The following BBOF1 variants were observed in gnomAD, a reference collection of about 807,000 sequenced individuals.
BBOF1 encodes the protein basal body-orientation factor 1.
Under a neutral mutation model 68.0 loss-of-function variants are expected in BBOF1, and 62 were observed. That is an observed-to-expected ratio of 0.91 (90% CI 0.74 to 1.13). The LOEUF (loss-of-function observed/expected upper bound fraction) is 1.13. BBOF1 is among the 50% of genes most tolerant of loss of function. The pLI is 0.00. For missense variants in BBOF1, 534 were observed against 600.1 expected (o/e 0.89, Z 1.15); for synonymous variants, 208 against 198.8 (o/e 1.05, Z -0.39).
chr14:74,078,995 G>C (rs1017621020), intron 10 of BBOF1, among the ~76,000 whole-genome samples: 1 of 151,768 alleles, frequency 6.6e-6, no homozygotes, highest in Admixed American at 6.5e-5. Context: ...CCCAAGGCTT[G>C]GTCCTAGGCC....
At position 74,019,408 on chromosome 14, in the gene BBOF1, C is replaced by G. The variant is rs1456007817; in HGVS notation, c.-71C>G. On this transcript the variant is annotated 5_prime_UTR_variant, in exon 1 of 12. Coordinates refer to ENST00000394009, the MANE Select transcript of BBOF1 (RefSeq NM_025057.3). ...ATTGCCAGCTCGGCGTCCCGGTTCC[C>G]TTGGAGACAGAGCTGGCCAGGGCGG... 6.5e-7 allele frequency: 1 copy of G among 1,547,712 alleles called. No individual in the cohort carries two copies. The highest frequency in any genetic ancestry group is 8.7e-7 in the Non-Finnish European group (1 of 1,145,944).
At chr14:74,048,459 C>T (rs1387067194) in intron 7 of BBOF1, 3 of 154,284 alleles carry the variant, frequency 1.9e-5, no homozygotes, top group African/African-American at 7.2e-5. Context: ...TGGAGGTAAG[C>T]AATCCACAGC....
Position 74,022,951 on chromosome 14 carries a change from G to A in BBOF1, c.92G>A (p.Arg31Lys), listed in dbSNP as rs1385915293. 11 of 1,613,178 alleles carry A rather than the reference G, an allele frequency of 6.8e-6. No homozygotes were observed. The highest frequency in any genetic ancestry group is 9.3e-6 in the Non-Finnish European group (11 of 1,179,570). Reference sequence around the variant, plus strand: ...AAAACAGATGAATCTGTGGTGGACAGAGCCAAGGCCAATGCCTCCCTTTGG... The same window carrying A: ...AAAACAGATGAATCTGTGGTGGACAAAGCCAAGGCCAATGCCTCCCTTTGG... ...LIKTDESVVD[R>K]AKANASLWEA... Residue 31 changes from arginine to lysine, a missense_variant, in exon 2 of 12, where the codon AGA (arginine) becomes AAA (lysine). Arg to Lys is a conservative substitution (Grantham distance 26). Coordinates refer to ENST00000394009, the MANE Select transcript of BBOF1 (RefSeq NM_025057.3).
At chr14:74,057,925 A>G (rs971300533) in intron 11 of BBOF1, 14 of 991,702 alleles carry the variant, frequency 1.4e-5, no homozygotes, top group Non-Finnish European at 1.7e-5. Context: ...TTTCCCTTAA[A>G]TATAAGGAAA....
rs374828129 is a variant in BBOF1 at position 74,055,212 on chromosome 14, G to A, written c.1287-372G>A. On this transcript the variant is annotated intron_variant, in intron 8 of 11. Coordinates refer to ENST00000394009, the MANE Select transcript of BBOF1 (RefSeq NM_025057.3). ...CTCCCAGGCTGGAGCACAGTGGCGC[G>A]ATCTCAGCTTACTGCAGCCTCCGCC... 60 of 191,224 alleles carry A rather than the reference G, an allele frequency of 3.1e-4. No individual in the cohort carries two copies. In the South Asian group the frequency reaches 4.4e-3, roughly 14 times the overall value. 11.8% of individuals were successfully genotyped at this position (191,224 alleles called of 1,614,324 possible). A position where few individuals can be genotyped will look rare whatever the true frequency, so the allele number is the denominator to read the frequency against.
chr14:74,045,800 C>T (rs2059935781), intron 5 of BBOF1, among the ~76,000 whole-genome samples: 1 of 152,120 alleles, frequency 6.6e-6, no homozygotes, highest in Non-Finnish European at 1.5e-5. Flanking sequence ...AATTCCTCCT[C>T]ATTCTGCTTT....
At position 74,058,755 on chromosome 14, in the gene BBOF1, T is replaced by G. The variant is rs566580516; in HGVS notation, c.1578+1497T>G. On this transcript the variant is annotated intron_variant, in intron 11 of 11. Transcript: ENST00000394009. ...ATTCTGTTCAGCACATGAATTTCTG[T>G]TCTGACCTTAAGTTTAGATATATCA... is the stretch of plus-strand genomic sequence containing the variant. 38 of 152,566 alleles carry G rather than the reference T, an allele frequency of 2.5e-4. No individual in the cohort carries two copies. The highest frequency in any genetic ancestry group is 8.4e-4 in the African/African-American group (35 of 41,560). 9.5% of individuals were successfully genotyped at this position (152,566 alleles called of 1,614,324 possible). A position where few individuals can be genotyped will look rare whatever the true frequency, so the allele number is the denominator to read the frequency against.
At chr14:74,045,766 T>C (rs1296952420) in intron 5 of BBOF1, among the ~76,000 whole-genome samples, 1 of 152,174 alleles carries the variant, frequency 6.6e-6, no homozygotes, top group Non-Finnish European at 1.5e-5. Flanking sequence ...AATGAATGAC[T>C]CTCATTTCAG....
chr14:74,057,813 TC>T (rs2060251695), intron 11 of BBOF1: 1 of 1,033,434 alleles, frequency 9.7e-7, no homozygotes, highest in Non-Finnish European at 1.2e-6. Flanking sequence ...TGAGTTTTTT[TC>T]ATCTAAGAAA....
intron 9 of BBOF1, among the ~76,000 whole-genome samples, chr14:74,056,350 C>T (rs558979711): frequency 6.6e-6 from 1 of 152,038 alleles, no homozygotes; most frequent in Non-Finnish European, 1.5e-5. Flanking sequence ...CAGGGGCCAC[C>T]ACCATGCCTG....
intron 11 of BBOF1, chr14:74,059,084 CAAAAAAAAAAA>C (rs35760969): frequency 4.1e-5 from 2 of 49,378 alleles, no homozygotes; most frequent in African/African-American, 1.8e-4. Flanking sequence ...AACTCCATCT[CAAAAAAAAAAA>C]AAAAAAAAAA....
intron 11 of BBOF1, among the ~76,000 whole-genome samples, chr14:74,061,937 C>T (rs1365581586): frequency 1.3e-5 from 2 of 149,908 alleles, no homozygotes; most frequent in Non-Finnish European, 3.0e-5. Flanking sequence ...CAGCCAGGAG[C>T]GGTGGCTCAC....
chr14:74,043,733 A>G (rs988227507), intron 5 of BBOF1, among the ~76,000 whole-genome samples: 8 of 149,278 alleles, frequency 5.4e-5, no homozygotes, highest in Non-Finnish European at 3.0e-5. Context: ...GGGTTTCACC[A>G]TGTTGACCAG....
At chr14:74,038,424 T>C (rs1312432192) in intron 4 of BBOF1, among the ~76,000 whole-genome samples, 1 of 152,194 alleles carries the variant, frequency 6.6e-6, no homozygotes, top group African/African-American at 2.4e-5. Flanking sequence ...TAAAGAACAG[T>C]GTTGCCACCT....
Position 74,049,826 on chromosome 14 carries a change from T to A in BBOF1, c.917T>A (p.Phe306Tyr), listed in dbSNP as rs146013405. Residue 306 changes from phenylalanine (F) to tyrosine (Y), a missense_variant, in exon 8 of 12, where the codon TTT becomes TAT. Transcript: ENST00000394009. ...ETALSYMTKE[F>Y]ESEVLKLQQH... is the part of the protein sequence containing the mutation. The stretch of plus-strand genomic sequence containing the variant: ...GCTCTGAGTTACATGACCAAAGAGT[T>A]TGAGAGTGAAGTTTTAAAACTGCAG... 2 of 1,614,092 alleles carry A rather than the reference T, an allele frequency of 1.2e-6. No individual in the cohort carries two copies. Among genetic ancestry groups the A allele is most frequent in the Non-Finnish European group, 1.7e-6 (2 of 1,180,030 alleles).
downstream of BBOF1, chr14:74,071,016 C>T (rs1013319171): frequency 5.0e-5 from 34 of 677,400 alleles, no homozygotes; most frequent in Middle Eastern, 3.9e-4. Context: ...CACTGCTATT[C>T]CCCAATCAGT....
intron 9 of BBOF1, chr14:74,072,699 A>G: frequency 7.1e-7 from 1 of 1,414,464 alleles, no homozygotes; most frequent in Non-Finnish European, 9.7e-7. Flanking sequence ...CCCTTGCACC[A>G]AAAGGAAAGA....
intron 12 of BBOF1, among the ~76,000 whole-genome samples, chr14:74,081,845 T>A (rs2060670810): frequency 6.6e-6 from 1 of 152,192 alleles, no homozygotes; most frequent in Non-Finnish European, 1.5e-5. Context: ...GTTCTGAATT[T>A]TCAGCCCCAT....
intron 10 of BBOF1, among the ~76,000 whole-genome samples, chr14:74,078,695 T>C (rs1264536540): frequency 6.6e-6 from 1 of 151,770 alleles, no homozygotes; most frequent in African/African-American, 2.4e-5. Context: ...ATCCAGCTAA[T>C]TTTTTGTATT....
Sources: allele counts gnomAD v4.1 joint callset (sites outside exome capture counted in the v4.1 genomes callset), GRCh38; gene constraint gnomAD v4.1.1; transcripts MANE v1.5; gene names NCBI Gene and HGNC (gene_info 2026-07-23, HGNC 2026-07-21).